The following EZH2 variants were observed in gnomAD, a reference collection of about 807,000 sequenced individuals.
EZH2 encodes the protein histone-lysine N-methyltransferase EZH2.
EZH2 carries 18 observed loss-of-function variants against 98.4 expected under a neutral mutation model. The observed-to-expected ratio is 0.18, with a 90% confidence interval of 0.13 to 0.27. The LOEUF is 0.27. EZH2 is among the 10% of genes least tolerant of loss of function. The probability of loss-of-function intolerance (pLI) is 1.00; values close to 1 mark genes in which losing one functional copy is unlikely to be tolerated. For synonymous variants in EZH2, 338 were observed against 312.3 expected (o/e 1.08, Z -0.87); for missense variants, 470 against 935.1 (o/e 0.50, Z 6.49).
intron 1 of EZH2, among the ~76,000 whole-genome samples, chr7:148,868,691 T>C (rs930249683): frequency 1.3e-5 from 2 of 152,140 alleles, no homozygotes; most frequent in South Asian, 2.1e-4. Flanking sequence ...GCCTCTAGGG[T>C]AGAAAAACAT....
intron 3 of EZH2, among the ~76,000 whole-genome samples, chr7:148,846,102 ATTTCTT>A (rs1387548603): frequency 1.3e-5 from 2 of 152,216 alleles, no homozygotes; most frequent in Non-Finnish European, 2.9e-5. Flanking sequence ...ATATTAAAAC[ATTTCTT>A]ACCACATGGC....
At chr7:148,839,106 A>AAGGAAGGT in intron 3 of EZH2, among the ~76,000 whole-genome samples, 1 of 149,574 alleles carries the variant, frequency 6.7e-6, no homozygotes. Flanking sequence ...GGAAGGAAGG[A>AAGGAAGGT]AAGTGAGTGA....
chr7:148,838,786 C>T (rs979247378), intron 3 of EZH2, among the ~76,000 whole-genome samples: 10 of 152,300 alleles, frequency 6.6e-5, no homozygotes, highest in Non-Finnish European at 1.0e-4. Flanking sequence ...GGCGCAGTGG[C>T]TCAGGCCTGT....
chr7:148,859,205 G>C (rs1817298345), intron 1 of EZH2, among the ~76,000 whole-genome samples: 1 of 152,048 alleles, frequency 6.6e-6, no homozygotes, highest in Non-Finnish European at 1.5e-5. Context: ...TAGTTGGACA[G>C]AAACAGTTAA....
chr7:148,815,851 G>A (rs1305967544), intron 12 of EZH2, among the ~76,000 whole-genome samples: 9 of 152,198 alleles, frequency 5.9e-5, no homozygotes, highest in African/African-American at 2.2e-4. Flanking sequence ...TTCTGATGTG[G>A]ATGACACTGA....
At chr7:148,880,878 T>C (rs1258713593) in intron 1 of EZH2, among the ~76,000 whole-genome samples, 1 of 152,170 alleles carries the variant, frequency 6.6e-6, no homozygotes, top group African/African-American at 2.4e-5. Context: ...ACTTTGACTG[T>C]AGGGAAGAGA....
At chr7:148,831,092 C>T (rs1010110160) in intron 4 of EZH2, among the ~76,000 whole-genome samples, 9 of 152,034 alleles carry the variant, frequency 5.9e-5, no homozygotes, top group Admixed American at 1.3e-4. Flanking sequence ...GGTAAGAACA[C>T]GCTGGGAAAG....
intron 1 of EZH2, among the ~76,000 whole-genome samples, chr7:148,848,300 T>C (rs919621791): frequency 6.6e-6 from 1 of 152,112 alleles, no homozygotes; most frequent in Non-Finnish European, 1.5e-5. Flanking sequence ...CAGCACAGCA[T>C]CCCGACAAGG....
At chr7:148,850,454 C>A (rs1815425380) in intron 1 of EZH2, 1 of 967,774 alleles carries the variant, frequency 1.0e-6, no homozygotes, top group Non-Finnish European at 1.2e-6. Flanking sequence ...AATAACATAC[C>A]TAATAAAGTA....
chr7:148,866,556 A>ATATATATACGTATATACATATATATACG (rs1563063346), intron 1 of EZH2, among the ~76,000 whole-genome samples: 4,732 of 125,632 alleles, frequency 0.038, 490 homozygotes, highest in African/African-American at 0.13. Context: ...ATATATATAC[A>ATATATATACGTATATACATATATATACG]TATATACATA....
chr7:148,830,546 G>C (rs1809079208), intron 4 of EZH2, among the ~76,000 whole-genome samples: 1 of 152,116 alleles, frequency 6.6e-6, no homozygotes, highest in African/African-American at 2.4e-5. Context: ...TAGGGATACA[G>C]AGTATTGATA....
Position 148,809,406 on chromosome 7 carries a change from T to C in EZH2, c.2030-16A>G, listed in dbSNP as rs750422152. ...ACCACAAAATCTAAAAAGAAAAAAG[T>C]AAGCACAGCCCAGTGAATAATTTCA... is the stretch of plus-strand genomic sequence containing the variant. On this transcript the variant is annotated splice_polypyrimidine_tract_variant and intron_variant, in intron 17 of 19. Transcript: ENST00000320356. 13 of 1,585,818 alleles carry C rather than the reference T, an allele frequency of 8.2e-6. No individual in the cohort carries two copies. The highest frequency in any genetic ancestry group is 1.1e-5 in the Non-Finnish European group (13 of 1,155,974).
intron 1 of EZH2, chr7:148,876,219 G>A (rs12531383): frequency 0.46 from 69,509 of 151,500 alleles, 16,073 homozygotes; most frequent in Non-Finnish European, 0.48. Flanking sequence ...CCCAGGAGGC[G>A]GAGGTTGCAG....
At chr7:148,810,519 G>GC (rs1563191540) in intron 16 of EZH2, 105 bp from the exon 17 acceptor site, 1 of 674,934 alleles carries the variant, frequency 1.5e-6, no homozygotes, top group African/African-American at 1.8e-5. Context: ...TGGAGAAAAC[G>GC]CAACAAAAAG....
intron 8 of EZH2, among the ~76,000 whole-genome samples, chr7:148,822,974 C>A (rs377173886): frequency 4.6e-5 from 7 of 152,096 alleles, no homozygotes; most frequent in African/African-American, 1.7e-4. Context: ...AAAAATAGTT[C>A]ACTCTTCAAC....
intron 1 of EZH2, among the ~76,000 whole-genome samples, chr7:148,852,985 T>C (rs748590470): frequency 9.2e-5 from 14 of 152,166 alleles, no homozygotes; most frequent in Non-Finnish European, 1.9e-4. Context: ...CATTCTCCCA[T>C]ATACTTTAAA....
At chr7:148,828,966 G>T in intron 5 of EZH2, 86 bp from the exon 6 acceptor site, 2 of 1,321,872 alleles carry the variant, frequency 1.5e-6, no homozygotes, top group East Asian at 2.5e-5. Context: ...GACAAAACAG[G>T]CATAGCCTAG....
At chr7:148,847,129 G>A (rs1011218111) in intron 2 of EZH2, 53 bp downstream of exon 2, 33 of 1,556,814 alleles carry the variant, frequency 2.1e-5, no homozygotes, top group Non-Finnish European at 2.8e-5. Context: ...CTTAGGAGGG[G>A]AAAAAACCTA....
chr7:148,814,930 A>G lies in EZH2; in HGVS notation c.1656T>C (p.Cys552=), dbSNP rs1804154189. The G allele has an allele frequency of 6.2e-7, 1 of 1,613,122 alleles. No individual in the cohort carries two copies. The highest frequency in any genetic ancestry group is 1.1e-5 in the South Asian group (1 of 91,030). Residue 552 remains cysteine, a synonymous_variant, in exon 14 of 20, where the codon TGT becomes TGC. Transcript: ENST00000320356. ...AATACTTACACTCTGAACTACATTGACAAAACTTTTCACAAAAATTTTGTG... is the reference window on the plus strand; with the variant it reads ...AATACTTACACTCTGAACTACATTGGCAAAACTTTTCACAAAAATTTTGTG... ...VIAQNFCEKF[C]QCSSECQNRF...
Sources: allele counts gnomAD v4.1 joint callset (sites outside exome capture counted in the v4.1 genomes callset), GRCh38; gene constraint gnomAD v4.1.1; transcripts MANE v1.5; gene names NCBI Gene and HGNC (gene_info 2026-07-23, HGNC 2026-07-21).